The following GRM8 variants were observed in gnomAD, a reference collection of about 807,000 sequenced individuals.
The protein encoded by GRM8 is glutamate metabotropic receptor 8, also known as metabotropic glutamate receptor 8.
Under a neutral mutation model 87.2 loss-of-function variants are expected in GRM8, and 47 were observed. The ratio of observed to expected loss-of-function variants is 0.54; its 90% CI spans 0.43 to 0.69. GRM8 has a LOEUF of 0.69. Among genes scored for constraint, GRM8 ranks in the 30% least tolerant of loss-of-function variants. The probability of loss-of-function intolerance (pLI) is 0.00; values close to 1 mark genes in which losing one functional copy is unlikely to be tolerated. For missense variants in GRM8, 1,019 were observed against 1,139.2 expected, an observed-to-expected ratio of 0.89 and a Z score of 1.52; for synonymous variants, 396 against 404.5, an observed-to-expected ratio of 0.98 and a Z score of 0.25.
intron 2 of GRM8, among the ~76,000 whole-genome samples, chr7:127,226,375 G>A (rs1459469741): frequency 1.3e-5 from 2 of 152,096 alleles, no homozygotes; most frequent in Admixed American, 1.3e-4. Flanking sequence ...AAAATATTTC[G>A]ATTTTTTCCC....
intron 3 of GRM8, among the ~76,000 whole-genome samples, chr7:126,933,765 T>C (rs1195126983): frequency 1.3e-5 from 2 of 152,204 alleles, no homozygotes; most frequent in Non-Finnish European, 2.9e-5. Context: ...ATGTCTGTCA[T>C]GTAATATGTG....
intron 7 of GRM8, chr7:126,701,951 T>C (rs778083263): frequency 8.9e-6 from 3 of 336,590 alleles, no homozygotes; most frequent in Admixed American, 3.4e-5. Flanking sequence ...ATGCTACCCA[T>C]TTCTTTCTCC....
chr7:126,859,816 C>G (rs1390075338), intron 6 of GRM8, among the ~76,000 whole-genome samples: 1 of 152,088 alleles, frequency 6.6e-6, no homozygotes, highest in Non-Finnish European at 1.5e-5. Flanking sequence ...AATCCTGGGT[C>G]ATTGATTTTG....
intron 2 of GRM8, among the ~76,000 whole-genome samples, chr7:127,222,681 TG>T (rs1473364328): frequency 5.9e-5 from 9 of 152,204 alleles, no homozygotes; most frequent in Non-Finnish European, 1.0e-4. Context: ...GTAACAATAA[TG>T]GCTATTCATG....
intron 6 of GRM8, among the ~76,000 whole-genome samples, chr7:126,784,872 C>T (rs2151650093): frequency 6.6e-6 from 1 of 152,182 alleles, no homozygotes; most frequent in South Asian, 2.1e-4. Flanking sequence ...CAGCTCAGGT[C>T]TAAACAATAA....
At chr7:127,129,945 T>C (rs377612233) in intron 2 of GRM8, among the ~76,000 whole-genome samples, 7 of 152,118 alleles carry the variant, frequency 4.6e-5, no homozygotes, top group African/African-American at 7.2e-5. Context: ...TCATCTGAGA[T>C]TGTAATTCCC....
At chr7:126,660,140 G>C (rs771732463) in intron 7 of GRM8, among the ~76,000 whole-genome samples, 4 of 152,156 alleles carry the variant, frequency 2.6e-5, no homozygotes, top group Non-Finnish European at 4.4e-5. Flanking sequence ...TTCAGCAGTA[G>C]TTCCATTTAG....
At chr7:127,157,413 T>C (rs1001565307) in intron 2 of GRM8, among the ~76,000 whole-genome samples, 1 of 152,124 alleles carries the variant, frequency 6.6e-6, no homozygotes, top group Non-Finnish European at 1.5e-5. Flanking sequence ...TATGGACTCA[T>C]TCTAAAATGA....
At chr7:126,753,875 T>C (rs1816716316) in intron 7 of GRM8, among the ~76,000 whole-genome samples, 1 of 151,948 alleles carries the variant, frequency 6.6e-6, no homozygotes, top group Non-Finnish European at 1.5e-5. Flanking sequence ...TTAAGTGATC[T>C]GAATCCACAC....
chr7:126,902,413 C>G (rs1362070828), intron 6 of GRM8, 129 bp downstream of exon 6: 7 of 764,458 alleles, frequency 9.2e-6, no homozygotes, highest in African/African-American at 8.8e-5. Context: ...CCCTGAGACA[C>G]TATAACAAAA....
At chr7:126,801,098 G>A (rs529112341) in intron 6 of GRM8, among the ~76,000 whole-genome samples, 101 of 152,108 alleles carry the variant, frequency 6.6e-4, no homozygotes, top group Middle Eastern at 6.8e-3. Context: ...ATATGCATAC[G>A]AAAAGTGTTA....
intron 6 of GRM8, among the ~76,000 whole-genome samples, chr7:126,810,570 T>C (rs1283837448): frequency 6.6e-6 from 1 of 152,172 alleles, no homozygotes; most frequent in Non-Finnish European, 1.5e-5. Flanking sequence ...ACATTACTAC[T>C]GACTAAGAGC....
chr7:126,602,735 G>T (rs1344856662), intron 8 of GRM8, among the ~76,000 whole-genome samples: 1 of 151,824 alleles, frequency 6.6e-6, no homozygotes, highest in Non-Finnish European at 1.5e-5. Context: ...CTCTCTGTTT[G>T]TCTGTTGATA....
At chr7:126,972,488 T>C (rs1331561693) in intron 3 of GRM8, among the ~76,000 whole-genome samples, 2 of 152,176 alleles carry the variant, frequency 1.3e-5, no homozygotes, top group African/African-American at 4.8e-5. Context: ...AATTCCTTAA[T>C]GTCAATCACC....
intron 3 of GRM8, among the ~76,000 whole-genome samples, chr7:127,054,756 C>T (rs1819819772): frequency 6.6e-6 from 1 of 151,932 alleles, no homozygotes; most frequent in Non-Finnish European, 1.5e-5. Context: ...AATGTTAAGA[C>T]AAAAACACTG....
chr7:126,708,525 A>G (rs1206488167), intron 7 of GRM8, among the ~76,000 whole-genome samples: 1 of 150,582 alleles, frequency 6.6e-6, no homozygotes, highest in Non-Finnish European at 1.5e-5. Flanking sequence ...ATATGTATAT[A>G]TCTATATATA....
chr7:126,680,443 TA>T (rs1807423515), intron 7 of GRM8, among the ~76,000 whole-genome samples: 1 of 152,210 alleles, frequency 6.6e-6, no homozygotes, highest in Non-Finnish European at 1.5e-5. Context: ...ATGCAGCAAA[TA>T]AATTATTATT....
chr7:127,192,477 C>T (rs1185645151), intron 2 of GRM8, among the ~76,000 whole-genome samples: 1 of 152,226 alleles, frequency 6.6e-6, no homozygotes, highest in African/African-American at 2.4e-5. Context: ...AAAGAAAGCT[C>T]TCTGAGCTCC....
At chr7:127,209,337 T>G (rs952912) in intron 2 of GRM8, among the ~76,000 whole-genome samples, 22,954 of 152,156 alleles carry the variant, frequency 0.15, 2,188 homozygotes, top group Middle Eastern at 0.2. Context: ...GTAAAGTCAA[T>G]AATACACTGT....
Sources: allele counts gnomAD v4.1 joint callset (sites outside exome capture counted in the v4.1 genomes callset), GRCh38; gene constraint gnomAD v4.1.1; transcripts MANE v1.5; gene names NCBI Gene and HGNC (gene_info 2026-07-23, HGNC 2026-07-21).